EXOC6B: variants seen among roughly 807,000 people sequenced by gnomAD.
EXOC6B encodes SEC15 homolog B.
A neutral mutation model predicts 113.5 loss-of-function variants in EXOC6B; 54 were observed. The ratio of observed to expected loss-of-function variants is 0.48; its 90% CI spans 0.38 to 0.60. The LOEUF is 0.60. Among genes scored for constraint, EXOC6B ranks in the 20% least tolerant of loss-of-function variants. The pLI is 0.00. For synonymous variants in EXOC6B, 357 were observed against 339.0 expected (o/e 1.05, Z -0.58); for missense variants, 797 against 977.5 (o/e 0.82, Z 2.46).
intron 20 of EXOC6B, among the ~76,000 whole-genome samples, chr2:72,220,649 G>A (rs1211024492): frequency 1.3e-5 from 2 of 151,890 alleles, no homozygotes; most frequent in Non-Finnish European, 2.9e-5. Flanking sequence ...TATTGCATAG[G>A]GAAATTCGTG....
intron 7 of EXOC6B, among the ~76,000 whole-genome samples, chr2:72,569,799 T>C (rs1271685526): frequency 6.6e-6 from 1 of 152,190 alleles, no homozygotes. Flanking sequence ...TATTTTGAAA[T>C]TTGGGTCAAA....
intron 18 of EXOC6B, among the ~76,000 whole-genome samples, chr2:72,414,331 G>C (rs181280273): frequency 6.6e-6 from 1 of 152,086 alleles, no homozygotes; most frequent in South Asian, 2.1e-4. Flanking sequence ...ACTACACAAT[G>C]CTTTCCAAAA....
intron 18 of EXOC6B, among the ~76,000 whole-genome samples, chr2:72,396,276 A>G (rs975619876): frequency 4.6e-5 from 7 of 152,162 alleles, no homozygotes; most frequent in Non-Finnish European, 1.5e-5. Flanking sequence ...ATCACAGTGC[A>G]TCTGTGTGAA....
Position 72,650,755 on chromosome 2 carries a change from T to A in EXOC6B, c.669+67348A>T, listed in dbSNP as rs182908046. Among the ~76,000 whole-genome samples the A allele has an allele frequency of 4.5e-3, 683 of 151,848 alleles. 8 individuals carry two copies. The highest frequency in any genetic ancestry group is 4.5e-3 in the Non-Finnish European group (308 of 67,974). On this transcript the variant is annotated intron_variant, in intron 6 of 21. Transcript: ENST00000272427. The stretch of plus-strand genomic sequence containing the variant: ...AACATCACTACAATTCCTATCAGAA[T>A]GGCTGTTACAAAAAAAAATGGCAAA...
intron 7 of EXOC6B, among the ~76,000 whole-genome samples, chr2:72,574,503 G>C (rs1036675346): frequency 6.6e-6 from 1 of 152,130 alleles, no homozygotes; most frequent in Non-Finnish European, 1.5e-5. Context: ...TTGGGGAAGA[G>C]AGAAAAGCAC....
At chr2:72,573,318 A>T (rs1177241589) in intron 7 of EXOC6B, among the ~76,000 whole-genome samples, 2 of 152,194 alleles carry the variant, frequency 1.3e-5, no homozygotes, top group African/African-American at 4.8e-5. Flanking sequence ...CATCTTGTTC[A>T]TGGGTACTCA....
At chr2:72,425,460 A>G (rs1468722156) in intron 18 of EXOC6B, among the ~76,000 whole-genome samples, 1 of 152,196 alleles carries the variant, frequency 6.6e-6, no homozygotes, top group Admixed American at 6.5e-5. Context: ...AATTGATGAA[A>G]TACAATAGTA....
chr2:72,357,234 T>C (rs1162367693), intron 19 of EXOC6B, among the ~76,000 whole-genome samples: 1 of 152,202 alleles, frequency 6.6e-6, no homozygotes, highest in African/African-American at 2.4e-5. Context: ...AATTGTTCTA[T>C]TTTATTATTG....
intron 1 of EXOC6B, among the ~76,000 whole-genome samples, chr2:72,807,791 C>T (rs148656445): frequency 6.6e-6 from 1 of 151,212 alleles, no homozygotes; most frequent in East Asian, 1.9e-4. Context: ...TTACCAGAGG[C>T]TGGGAAGGGT....
chr2:72,449,880 T>C (rs953468833), intron 18 of EXOC6B, among the ~76,000 whole-genome samples: 1 of 152,208 alleles, frequency 6.6e-6, no homozygotes, highest in Non-Finnish European at 1.5e-5. Context: ...CTTTGCACCA[T>C]CCCAGAGAAT....
intron 1 of EXOC6B, among the ~76,000 whole-genome samples, chr2:72,783,186 G>GTT (rs200092186): frequency 0.023 from 3,229 of 142,928 alleles, 80 homozygotes; most frequent in African/African-American, 0.065. Flanking sequence ...GTTTGTTGGG[G>GTT]TTTTTTTTTT....
Position 72,821,977 on chromosome 2 carries a change from G to A in EXOC6B, c.113+3821C>T, listed in dbSNP as rs1307309099. 3.3e-5 allele frequency among the ~76,000 whole-genome samples: 5 copies of A among 152,128 alleles called. 1 individual carries two copies. The highest frequency in any genetic ancestry group is 3.3e-4 in the Admixed American group (5 of 15,272). Reference sequence around the variant, plus strand: ...ACATGAATTATATCTCAATATAGTTGTTTTTTAATGGCAATGTATTTCAAT... The same window carrying A: ...ACATGAATTATATCTCAATATAGTTATTTTTTAATGGCAATGTATTTCAAT... On this transcript the variant is annotated intron_variant, in intron 1 of 21. Coordinates refer to ENST00000272427, the MANE Select transcript of EXOC6B (RefSeq NM_015189.3).
At chr2:72,336,353 G>A (rs1319911474) in intron 19 of EXOC6B, among the ~76,000 whole-genome samples, 1 of 152,126 alleles carries the variant, frequency 6.6e-6, no homozygotes, top group Admixed American at 6.5e-5. Flanking sequence ...AGGAACTTCT[G>A]TTCTTTAAAA....
At chr2:72,401,981 A>G (rs955263499) in intron 18 of EXOC6B, among the ~76,000 whole-genome samples, 3 of 151,710 alleles carry the variant, frequency 2.0e-5, no homozygotes, top group Admixed American at 2.0e-4. Context: ...TCCTTCAAAA[A>G]TGAAGAAAAA....
intron 20 of EXOC6B, among the ~76,000 whole-genome samples, chr2:72,226,406 T>C (rs1681244077): frequency 6.6e-6 from 1 of 152,194 alleles, no homozygotes; most frequent in Non-Finnish European, 1.5e-5. Flanking sequence ...GCAACTTTTC[T>C]GTAAATCTAA....
intron 11 of EXOC6B, among the ~76,000 whole-genome samples, chr2:72,505,997 T>C (rs1517185): frequency 0.61 from 93,306 of 151,966 alleles, 34,886 homozygotes; most frequent in East Asian, 0.99. Flanking sequence ...ACCAAATATA[T>C]TAATATTTGT....
chr2:72,559,653 A>C (rs958042691), intron 7 of EXOC6B, 132 bp from the exon 8 acceptor site: 1 of 632,176 alleles, frequency 1.6e-6, no homozygotes, highest in Non-Finnish European at 2.6e-6. Context: ...AATACAAAAC[A>C]AACAAAAAAA....
intron 20 of EXOC6B, among the ~76,000 whole-genome samples, chr2:72,267,407 T>G (rs2104611413): frequency 6.6e-6 from 1 of 152,304 alleles, no homozygotes; most frequent in Non-Finnish European, 1.5e-5. Context: ...CATAGATAGC[T>G]CTTATTATTT....
At chr2:72,641,844 C>T (rs1673269090) in intron 6 of EXOC6B, among the ~76,000 whole-genome samples, 1 of 152,196 alleles carries the variant, frequency 6.6e-6, no homozygotes, top group African/African-American at 2.4e-5. Context: ...GGAGGGTACC[C>T]CTCTGGGACG....
Sources: gnomAD v4.1 joint callset for allele counts (sites outside exome capture counted in the v4.1 genomes callset) on GRCh38, gnomAD v4.1.1 for gene constraint, MANE v1.5 for transcripts, NCBI Gene and HGNC (gene_info 2026-07-23, HGNC 2026-07-21) for gene names.